The following HPSE2 variants were observed in gnomAD, a reference collection of about 807,000 sequenced individuals.
HPSE2 encodes inactive heparanase-2.
HPSE2 carries 38 observed loss-of-function variants against 60.5 expected under a neutral mutation model. The observed-to-expected ratio is 0.63, with a 90% CI of 0.48 to 0.82. The LOEUF (loss-of-function observed/expected upper bound fraction) is 0.82, where lower values mean the gene tolerates loss of function less well. HPSE2 is among the 40% of genes least tolerant of loss of function. The probability of loss-of-function intolerance (pLI) is 0.00; values close to 1 mark genes in which losing one functional copy is unlikely to be tolerated. For synonymous variants in HPSE2, 295 were observed against 293.2 expected, an observed-to-expected ratio of 1.01 and a Z score of -0.06; for missense variants, 713 against 740.4, an observed-to-expected ratio of 0.96 and a Z score of 0.43.
chr10:98,823,117 G>A (rs1363753559), intron 3 of HPSE2, among the ~76,000 whole-genome samples: 4 of 152,194 alleles, frequency 2.6e-5, no homozygotes, highest in Non-Finnish European at 5.9e-5. Context: ...GGAGCCAGAA[G>A]CCAAAGAATG....
the HPSE2 span, among the ~76,000 whole-genome samples, chr10:99,274,322 T>G: frequency 7.2e-5 from 11 of 152,142 alleles, no homozygotes; most frequent in Admixed American, 1.3e-4. Flanking sequence ...TGCTCCAGCC[T>G]GGGACTCTGT....
At chr10:98,624,795 C>A (rs1026570792) in intron 7 of HPSE2, among the ~76,000 whole-genome samples, 14 of 152,148 alleles carry the variant, frequency 9.2e-5, no homozygotes, top group African/African-American at 3.4e-4. Flanking sequence ...AGGCCAAAGA[C>A]ACATACACTA....
At chr10:98,815,921 G>T (rs933353424) in intron 3 of HPSE2, among the ~76,000 whole-genome samples, 1 of 150,424 alleles carries the variant, frequency 6.6e-6, no homozygotes, top group South Asian at 2.1e-4. Flanking sequence ...GCAAACTATC[G>T]CAAGGACGAA....
chr10:99,188,199 T>G (rs1259818562), intron 2 of HPSE2, among the ~76,000 whole-genome samples: 1 of 152,192 alleles, frequency 6.6e-6, no homozygotes, highest in East Asian at 1.9e-4. Context: ...ACAACATTGA[T>G]GAATCCCCAA....
chr10:98,760,598 A>G (rs1477506867), intron 3 of HPSE2, among the ~76,000 whole-genome samples: 1 of 152,070 alleles, frequency 6.6e-6, no homozygotes, highest in Non-Finnish European at 1.5e-5. Context: ...GGTATATCAC[A>G]TTTAGTGATT....
At chr10:98,767,662 A>G (rs866407568) in intron 3 of HPSE2, among the ~76,000 whole-genome samples, 27 of 145,914 alleles carry the variant, frequency 1.9e-4, no homozygotes, top group African/African-American at 6.7e-4. Context: ...TAAATATATT[A>G]TTTATGTATC....
rs561550988 is a variant in HPSE2, at chr10:98,553,612, T to C, written c.1320+61292A>G. On this transcript the variant is annotated intron_variant, in intron 9 of 11. Coordinates refer to ENST00000370552, the MANE Select transcript of HPSE2 (RefSeq NM_021828.5). ...TTCCAGCTGAATTTTCTACCATCCT[T>C]CTCTCCACCATTTCTGACTCTGCCA... Among the ~76,000 whole-genome samples, 287 of 152,250 alleles carry C rather than the reference T, an allele frequency of 1.9e-3. 1 individual carries two copies. Among genetic ancestry groups the C allele is most frequent in the African/African-American group, 6.4e-3 (267 of 41,526 alleles).
At chr10:98,867,986 C>T (rs557398038) in intron 3 of HPSE2, among the ~76,000 whole-genome samples, 3 of 151,898 alleles carry the variant, frequency 2.0e-5, no homozygotes, top group African/African-American at 7.2e-5. Flanking sequence ...CACTTGAACC[C>T]AGGAGGTGGA....
intron 10 of HPSE2, 66 bp from the exon 11 acceptor site, chr10:98,482,848 A>C: frequency 2.6e-6 from 4 of 1,539,928 alleles, no homozygotes; most frequent in Non-Finnish European, 2.7e-6. Flanking sequence ...GCTTCTAAAT[A>C]ATTTATAGAC....
rs182675069 is a variant in HPSE2 at position 98,843,809 on chromosome 10, C to T, written c.611-99753G>A. 4.2e-3 allele frequency among the ~76,000 whole-genome samples: 641 copies of T among 152,292 alleles called. 3 individuals carry two copies. Among genetic ancestry groups the T allele is most frequent in the Non-Finnish European group, 7.3e-3 (494 of 68,024 alleles). On this transcript the variant is annotated intron_variant, in intron 3 of 11. Transcript: ENST00000370552. ...TTATTGAAATATTTTGGTTCCAAAGCTTCCAAATGATGGGCTTACTGCCTG... is the reference window on the plus strand; with the variant it reads ...TTATTGAAATATTTTGGTTCCAAAGTTTCCAAATGATGGGCTTACTGCCTG...
intron 6 of HPSE2, among the ~76,000 whole-genome samples, chr10:98,663,658 C>T (rs1947283523): frequency 6.6e-6 from 1 of 152,174 alleles, no homozygotes; most frequent in African/African-American, 2.4e-5. Context: ...CAGGTGATCA[C>T]AGTTCCCACA....
At chr10:98,632,486 T>G (rs1331113112) in intron 7 of HPSE2, among the ~76,000 whole-genome samples, 5 of 152,228 alleles carry the variant, frequency 3.3e-5, no homozygotes, top group Admixed American at 3.3e-4. Context: ...TGACAATGAC[T>G]AAAACTTTGG....
At chr10:98,876,809 T>C (rs1952888939) in intron 3 of HPSE2, among the ~76,000 whole-genome samples, 1 of 151,906 alleles carries the variant, frequency 6.6e-6, no homozygotes, top group Non-Finnish European at 1.5e-5. Context: ...TTAGCTGAGA[T>C]TATTAACAGT....
intron 3 of HPSE2, among the ~76,000 whole-genome samples, chr10:98,861,892 A>G (rs1952466314): frequency 6.6e-6 from 1 of 152,168 alleles, no homozygotes; most frequent in Non-Finnish European, 1.5e-5. Context: ...TTATTACTCC[A>G]AGATGTCTCA....
intron 9 of HPSE2, among the ~76,000 whole-genome samples, chr10:98,543,610 C>T (rs1056496761): frequency 6.6e-6 from 1 of 152,000 alleles, no homozygotes; most frequent in African/African-American, 2.4e-5. Context: ...CACACATGGG[C>T]TCAAAATAAA....
intron 2 of HPSE2, among the ~76,000 whole-genome samples, chr10:99,155,931 C>A (rs1437239527): frequency 6.6e-6 from 1 of 151,490 alleles, no homozygotes; most frequent in African/African-American, 2.4e-5. Flanking sequence ...ACCACCGATC[C>A]CACAGAAATA....
intron 3 of HPSE2, among the ~76,000 whole-genome samples, chr10:98,952,553 C>T (rs997795430): frequency 2.5e-4 from 38 of 152,252 alleles, no homozygotes; most frequent in Non-Finnish European, 4.3e-4. Flanking sequence ...ATTCCTGTTG[C>T]TCTGGCCAAA....
chr10:99,211,249 T>A (rs1013724391), intron 2 of HPSE2, among the ~76,000 whole-genome samples: 7 of 152,114 alleles, frequency 4.6e-5, no homozygotes, highest in African/African-American at 1.7e-4. Context: ...CCCATGTTCA[T>A]GGATTCAAAG....
intron 5 of HPSE2, among the ~76,000 whole-genome samples, chr10:98,717,116 A>G (rs1565104736): frequency 6.6e-6 from 1 of 152,186 alleles, no homozygotes; most frequent in Non-Finnish European, 1.5e-5. Context: ...ATTTCCTTAA[A>G]CTTCATAAAC....
Sources: gnomAD v4.1 joint callset for allele counts (sites outside exome capture counted in the v4.1 genomes callset) on GRCh38, gnomAD v4.1.1 for gene constraint, MANE v1.5 for transcripts, NCBI Gene and HGNC (gene_info 2026-07-23, HGNC 2026-07-21) for gene names.